DNHD1: variants seen among roughly 807,000 people sequenced by gnomAD.
DNHD1 encodes the protein dynein heavy chain domain-containing protein 1.
In DNHD1, 383 loss-of-function variants were observed where a neutral mutation model predicts 458.1. The ratio of observed to expected loss-of-function variants is 0.84; its 90% confidence interval spans 0.77 to 0.91. The LOEUF (loss-of-function observed/expected upper bound fraction) is 0.91. DNHD1 is among the 40% of genes least tolerant of loss of function. The probability of loss-of-function intolerance (pLI) is 0.00; values close to 1 mark genes in which losing one functional copy is unlikely to be tolerated. For missense variants in DNHD1, 5,336 were observed against 5,866.1 expected, an observed-to-expected ratio of 0.91 and a Z score of 2.95; for synonymous variants, 2,203 against 2,376.9, an observed-to-expected ratio of 0.93 and a Z score of 2.13.
chr11:6,516,874 C>T (rs1398925612), intron 7 of DNHD1, among the ~76,000 whole-genome samples: 1 of 152,162 alleles, frequency 6.6e-6, no homozygotes, highest in African/African-American at 2.4e-5. Context: ...CTCTATTCTT[C>T]CCATTACTCT....
At chr11:6,562,472 C>T (rs1853605793) in intron 28 of DNHD1, among the ~76,000 whole-genome samples, 1 of 151,950 alleles carries the variant, frequency 6.6e-6, no homozygotes, top group Admixed American at 6.6e-5. Context: ...GAATCAAAGC[C>T]ATGAGATTAG....
At chr11:6,526,045 T>C (rs1852705646) in intron 10 of DNHD1, among the ~76,000 whole-genome samples, 1 of 152,154 alleles carries the variant, frequency 6.6e-6, no homozygotes, top group Non-Finnish European at 1.5e-5. Flanking sequence ...GCTTTGTTTT[T>C]TTCTTGGGGG....
intron 32 of DNHD1, among the ~76,000 whole-genome samples, chr11:6,565,481 T>C (rs1014194644): frequency 6.6e-6 from 1 of 152,234 alleles, no homozygotes; most frequent in African/African-American, 2.4e-5. Flanking sequence ...CTATGTATCA[T>C]TTCATTTAAT....
chr11:6,564,793 C>A lies in DNHD1; in HGVS notation c.10745C>A (p.Thr3582Asn). ...AATCGATCTTTTGCGCCAGCCCTCA[C>A]TGAGGGTAGAGGTAAGCAGGCATAA... Reference protein sequence around the residue: ...EENRSFAPALTEGRGKGLMRN... With the variant: ...EENRSFAPALNEGRGKGLMRN... Residue 3582 changes from threonine to asparagine, a missense_variant, in exon 32 of 43, where the codon ACT becomes AAT. Thr to Asn is a moderately conservative substitution (Grantham distance 65). Transcript: ENST00000254579. 8 of 1,528,932 alleles carry A rather than the reference C, an allele frequency of 5.2e-6. No individual in the cohort carries two copies. Among genetic ancestry groups the A allele is most frequent in the Non-Finnish European group, 7.1e-6 (8 of 1,131,246 alleles). The allele number at this position is 1,528,932 out of a possible 1,614,324, so 94.7% of individuals were successfully genotyped here.
Position 6,571,382 on chromosome 11 carries a change from T to C in DNHD1, c.13870T>C (p.Tyr4624His). Reference sequence around the variant, plus strand: ...AGGCTCGGTCTCCAGTCAGCTCCAGTATAAACGTCTGGAGATGAACAGCAA... The same window carrying C: ...AGGCTCGGTCTCCAGTCAGCTCCAGCATAAACGTCTGGAGATGAACAGCAA... ...SRGSVSSQLQ[Y>H]KRLEMNSNPL... The change falls in exon 42 of 43, where the codon TAT (tyrosine) becomes CAT (histidine). Residue 4624 changes from tyrosine to histidine, a missense_variant. Physicochemically the swap from Tyr to His is moderately conservative, Grantham distance 83 (BLOSUM62 2). Coordinates refer to ENST00000254579, the MANE Select transcript of DNHD1 (RefSeq NM_144666.3). The surrounding 1 kb of genome is among the most constrained non-coding windows in gnomAD (Gnocchi z 5.0). The C allele has an allele frequency of 1.9e-6, 3 of 1,611,138 alleles. No individual in the cohort carries two copies. Among genetic ancestry groups the C allele is most frequent in the Non-Finnish European group, 2.5e-6 (3 of 1,178,482 alleles).
At chr11:6,566,519 T>G in intron 34 of DNHD1, 68 bp from the exon 35 acceptor site, 3 of 1,507,828 alleles carry the variant, frequency 2.0e-6, no homozygotes, top group East Asian at 4.6e-5. Flanking sequence ...GGAGCCATAC[T>G]CCCTGTCTAC....
chr11:6,534,209 G>A (rs1265617619), intron 14 of DNHD1, 36 bp downstream of exon 14: 1 of 1,535,208 alleles, frequency 6.5e-7, no homozygotes, highest in Non-Finnish European at 8.8e-7. Flanking sequence ...TTATCACTCT[G>A]TGATAGACCC....
Position 6,568,441 on chromosome 11 carries a change from T to C in DNHD1, c.12539-13T>C, listed in dbSNP as rs758083140. 9.9e-6 allele frequency: 16 copies of C among 1,612,862 alleles called. No individual in the cohort carries two copies. The African/African-American group carries it at 1.6e-4, about 16-fold the overall frequency. ...TATCCAAGGACTGATCTCAGACCCT[T>C]GTCTGACTCTAGTGGTTGCAGACCT... On this transcript the variant is annotated splice_polypyrimidine_tract_variant and intron_variant, in intron 37 of 42. Transcript: ENST00000254579.
rs573235823 is a variant in DNHD1 at position 6,551,718 on chromosome 11, A to G, written c.7387+2785A>G. Among the ~76,000 whole-genome samples the G allele has an allele frequency of 5.3e-3, 810 of 152,186 alleles. 7 individuals carry two copies. Among genetic ancestry groups the G allele is most frequent in the African/African-American group, 0.017 (713 of 41,546 alleles). ...GGCACTTTGGGAGGCCAAGGAGGGC[A>G]GATCACGAGGTCAGGAGATGGAGAC... On this transcript the variant is annotated intron_variant, in intron 24 of 42. Transcript: ENST00000254579.
intron 17 of DNHD1, 55 bp downstream of exon 17, chr11:6,539,368 A>G: frequency 1.5e-6 from 2 of 1,329,842 alleles, no homozygotes. Context: ...GACCTGTAAT[A>G]AAGCCAGTCA....
At position 6,558,182 on chromosome 11, in the gene DNHD1, T is replaced by G; in HGVS notation, c.8887T>G (p.Ser2963Ala). 1 of 1,551,644 alleles carries G rather than the reference T, an allele frequency of 6.4e-7. No individual in the cohort carries two copies. The highest frequency in any genetic ancestry group is 8.7e-7 in the Non-Finnish European group (1 of 1,146,964). Residue 2963 changes from serine (S) to alanine (A), a missense_variant, in exon 25 of 43, where the codon TCA (serine) becomes GCA (alanine). Ser to Ala is a moderately conservative substitution (Grantham distance 99, BLOSUM62 1). Around this residue, in one of 4 missense-constraint regions of DNHD1, gnomAD observed 3,932 missense variants for 4,365.6 expected, o/e 0.90. Transcript: ENST00000254579. ...TLHRLLALATSGSFPGQYTEA... is the reference protein window; with the variant it reads ...TLHRLLALATAGSFPGQYTEA... Reference sequence around the variant, plus strand: ...TCATCGCCTCCTGGCCCTGGCAACCTCAGGCAGTTTCCCTGGCCAGTACAC... The same window carrying G: ...TCATCGCCTCCTGGCCCTGGCAACCGCAGGCAGTTTCCCTGGCCAGTACAC...
At chr11:6,552,044 A>C (rs1853364902) in intron 24 of DNHD1, among the ~76,000 whole-genome samples, 1 of 149,068 alleles carries the variant, frequency 6.7e-6, no homozygotes, top group South Asian at 2.2e-4. Context: ...GGAGTTCAAG[A>C]CCAGCCTGGG....
intron 32 of DNHD1, 59 bp downstream of exon 32, chr11:6,564,863 C>G: frequency 7.5e-7 from 1 of 1,336,590 alleles, no homozygotes; most frequent in Non-Finnish European, 1.0e-6. Flanking sequence ...AACACTCAGC[C>G]TCATGTGGTC....
chr11:6,558,708 C>G lies in DNHD1; in HGVS notation c.9211+15C>G, dbSNP rs765450088. On this transcript the variant is annotated intron_variant, in intron 26 of 42. Transcript: ENST00000254579. ...CCTTGATGACGGTAAGCCCTTTTTA[C>G]TTGTCCTTACCACTCATCTCTACCA... The G allele has an allele frequency of 5.2e-6, 8 of 1,546,706 alleles. No homozygotes were observed. Among genetic ancestry groups the G allele is most frequent in the Non-Finnish European group, 7.0e-6 (8 of 1,146,726 alleles).
At position 6,558,144 on chromosome 11, in the gene DNHD1, A is replaced by C; in HGVS notation, c.8849A>C (p.Asp2950Ala). ...GCTCTGTTGGTACCCAGTGGTGTGGATCTCACTACACTTCATCGCCTCCTG... is the reference window on the plus strand; with the variant it reads ...GCTCTGTTGGTACCCAGTGGTGTGGCTCTCACTACACTTCATCGCCTCCTG... The part of the protein sequence containing the change: ...PVALLVPSGV[D>A]LTTLHRLLAL... The change falls in exon 25 of 43, where the codon GAT becomes GCT. Residue 2950 changes from aspartate to alanine, a missense_variant. This residue lies in a region of DNHD1 where 3,932 missense variants were observed against 4,365.6 expected (regional missense o/e 0.90). Coordinates refer to ENST00000254579, the MANE Select transcript of DNHD1 (RefSeq NM_144666.3). The C allele has an allele frequency of 3.9e-6, 6 of 1,551,574 alleles. No individual in the cohort carries two copies. The highest frequency in any genetic ancestry group is 5.2e-6 in the Non-Finnish European group (6 of 1,146,942).
chr11:6,557,249 C>A lies in DNHD1; in HGVS notation c.7954C>A (p.Gln2652Lys). The A allele has an allele frequency of 6.4e-7, 1 of 1,551,626 alleles. No individual in the cohort carries two copies. Among genetic ancestry groups the A allele is most frequent in the Non-Finnish European group, 8.7e-7 (1 of 1,147,006 alleles). The change falls in exon 25 of 43, where the codon CAG (glutamine) becomes AAG (lysine). Residue 2652 changes from glutamine (Q) to lysine (K), a missense_variant. This residue lies in a region of DNHD1 where 3,932 missense variants were observed against 4,365.6 expected (regional missense o/e 0.90). Coordinates refer to ENST00000254579, the MANE Select transcript of DNHD1 (RefSeq NM_144666.3). Reference sequence around the variant, plus strand: ...GGTGCGTCTTTGGTTGCATGAGGCACAGAGAACCTTTTGCGACCGGCTGGA... The same window carrying A: ...GGTGCGTCTTTGGTTGCATGAGGCAAAGAGAACCTTTTGCGACCGGCTGGA... The part of the protein sequence containing the change: ...NVVRLWLHEA[Q>K]RTFCDRLDSP...
Position 6,556,953 on chromosome 11 carries a change from T to C in DNHD1, c.7658T>C (p.Val2553Ala). 1 of 1,551,682 alleles carries C rather than the reference T, an allele frequency of 6.4e-7. No individual in the cohort carries two copies. The highest frequency in any genetic ancestry group is 8.7e-7 in the Non-Finnish European group (1 of 1,146,984). The change falls in exon 25 of 43, where the codon GTG (valine) becomes GCG (alanine). Residue 2553 changes from valine to alanine, a missense_variant. Val to Ala is a moderately conservative substitution (Grantham distance 64). Around this residue, in one of 4 missense-constraint regions of DNHD1, gnomAD observed 3,932 missense variants for 4,365.6 expected, o/e 0.90. Coordinates refer to ENST00000254579, the MANE Select transcript of DNHD1 (RefSeq NM_144666.3). ...IQAWLERFPS[V>A]ERERALARGL... is the part of the protein sequence containing the mutation. Reference sequence around the variant, plus strand: ...GCTTGGCTTGAGCGTTTCCCTTCTGTGGAACGGGAGCGTGCTCTGGCACGA... The same window carrying C: ...GCTTGGCTTGAGCGTTTCCCTTCTGCGGAACGGGAGCGTGCTCTGGCACGA...
chr11:6,567,842 G>A lies in DNHD1; in HGVS notation c.12333G>A (p.Leu4111=), dbSNP rs1485122008. Residue 4111 remains leucine (L), a synonymous_variant, in exon 36 of 43, where the codon CTG becomes CTA. Coordinates refer to ENST00000254579, the MANE Select transcript of DNHD1 (RefSeq NM_144666.3). ...ATCCTCTGACTGTCATCCAGAAACTGGCTGCCAAGTATCAGCAGGTTTGAA... is the reference window on the plus strand; with the variant it reads ...ATCCTCTGACTGTCATCCAGAAACTAGCTGCCAAGTATCAGCAGGTTTGAA... ...TLHPLTVIQK[L]AAKYQQGQKQ... is the part of the protein sequence containing the mutation. 4 of 1,611,866 alleles carry A rather than the reference G, an allele frequency of 2.5e-6. No individual in the cohort carries two copies. Among genetic ancestry groups the A allele is most frequent in the Non-Finnish European group, 3.4e-6 (4 of 1,179,654 alleles).
In DNHD1 at chr11:6,548,131, A is replaced by G. The variant is rs1463621509; in HGVS notation, c.6906-79A>G. On this transcript the variant is annotated intron_variant, in intron 22 of 42. Transcript: ENST00000254579. The surrounding 1 kb of genome is among the most constrained non-coding windows in gnomAD (Gnocchi z 4.4). ...ACCCACATGACATCACTGTTAGGGT[A>G]TGGTGGAGTGTGTGAGTGTGTCATA... is the stretch of plus-strand genomic sequence containing the variant. 1 of 1,543,196 alleles carries G rather than the reference A, an allele frequency of 6.5e-7. No individual in the cohort carries two copies. Among genetic ancestry groups the G allele is most frequent in the African/African-American group, 1.4e-5 (1 of 72,830 alleles).
Sources: gnomAD v4.1 joint callset for allele counts (sites outside exome capture counted in the v4.1 genomes callset) on GRCh38, gnomAD v4.1.1 for gene constraint, gnomAD v4.1.1 regional missense constraint, Gnocchi (gnomAD v3.1) non-coding constraint, MANE v1.5 for transcripts, NCBI Gene and HGNC (gene_info 2026-07-23, HGNC 2026-07-21) for gene names.